Variants in STK39 observed in about 807,000 individuals in gnomAD.
STK39 encodes the protein serine/threonine kinase 39, also known as STE20/SPS1-related proline-alanine-rich protein kinase.
In STK39, 20 loss-of-function variants were observed where a neutral mutation model predicts 77.8. The ratio of observed to expected loss-of-function variants is 0.26; its 90% CI spans 0.18 to 0.37. The LOEUF (loss-of-function observed/expected upper bound fraction) is 0.37. Ranked by LOEUF, STK39 falls within the 10% of genes least tolerant of loss-of-function variation. The probability of loss-of-function intolerance (pLI) is 1.00; values close to 1 mark genes in which losing one functional copy is unlikely to be tolerated. For synonymous variants in STK39, 246 were observed against 234.1 expected (o/e 1.05, Z -0.47); for missense variants, 479 against 656.5 (o/e 0.73, Z 2.95).
chr2:168,019,974 G>A (rs1684530893), intron 14 of STK39, among the ~76,000 whole-genome samples: 1 of 152,062 alleles, frequency 6.6e-6, no homozygotes, highest in Non-Finnish European at 1.5e-5. Context: ...CAAAGTGTTG[G>A]GATTACAGGT....
rs980414959 is a variant in STK39, at chr2:168,075,195, T to C, written c.1126A>G (p.Lys376Glu). Residue 376 changes from lysine (K) to glutamate (E), a missense_variant, in exon 11 of 18, where the codon AAA (lysine) becomes GAA (glutamate). Transcript: ENST00000355999. ...RVPGSSGHLH[K>E]TEDGDWEWSD... Reference sequence around the variant, plus strand: ...CACTCCCAGTCCCCGTCTTCGGTTTTATGAAGGTGACCACTTGACCCAGGA... The same window carrying C: ...CACTCCCAGTCCCCGTCTTCGGTTTCATGAAGGTGACCACTTGACCCAGGA... 1 of 1,614,148 alleles carries C rather than the reference T, an allele frequency of 6.2e-7. No individual in the cohort carries two copies. Among genetic ancestry groups the C allele is most frequent in the Non-Finnish European group, 8.5e-7 (1 of 1,180,020 alleles).
chr2:168,241,879 G>A (rs1178530227), intron 1 of STK39, among the ~76,000 whole-genome samples: 5 of 152,186 alleles, frequency 3.3e-5, no homozygotes, highest in African/African-American at 9.7e-5. Context: ...TGAGGAAACT[G>A]AGTGCAGACA....
chr2:168,233,771 A>G (rs183403224), intron 1 of STK39, among the ~76,000 whole-genome samples: 172 of 152,326 alleles, frequency 1.1e-3, no homozygotes, highest in African/African-American at 3.7e-3. Context: ...TCTTCATAAC[A>G]TAAGACAAAC....
intron 5 of STK39, 51 bp downstream of exon 5, chr2:168,161,736 C>A (rs774970487): frequency 4.5e-6 from 6 of 1,321,926 alleles, no homozygotes; most frequent in Non-Finnish European, 5.4e-6. Context: ...TTCCTTGAAA[C>A]TGTAACACTT....
At chr2:168,193,303 C>G (rs978915959) in intron 1 of STK39, among the ~76,000 whole-genome samples, 10 of 152,158 alleles carry the variant, frequency 6.6e-5, no homozygotes, top group Non-Finnish European at 1.5e-4. Context: ...CTTTCTTCCC[C>G]CCCCTCTTCA....
At chr2:168,009,994 A>G (rs1201554046) in intron 16 of STK39, among the ~76,000 whole-genome samples, 1 of 152,236 alleles carries the variant, frequency 6.6e-6, no homozygotes, top group Non-Finnish European at 1.5e-5. Flanking sequence ...AAAGAAGTGC[A>G]TTAAACTTGA....
intron 14 of STK39, among the ~76,000 whole-genome samples, chr2:168,029,701 C>G (rs1207903932): frequency 6.6e-6 from 1 of 152,180 alleles, no homozygotes; most frequent in African/African-American, 2.4e-5. Flanking sequence ...TTCATGACTG[C>G]TTTCTCCGAC....
chr2:168,009,457 C>T (rs1412682069), intron 16 of STK39, among the ~76,000 whole-genome samples: 1 of 152,172 alleles, frequency 6.6e-6, no homozygotes, highest in East Asian at 1.9e-4. Context: ...TACCTGGATC[C>T]ACTTTTTAAG....
At chr2:168,124,828 A>T (rs1574484886) in intron 10 of STK39, among the ~76,000 whole-genome samples, 1 of 152,232 alleles carries the variant, frequency 6.6e-6, no homozygotes, top group African/African-American at 2.4e-5. Flanking sequence ...CCTGTAGAAG[A>T]TGCACACAGA....
At chr2:168,166,129 T>C (rs1688689278) in intron 3 of STK39, among the ~76,000 whole-genome samples, 1 of 152,220 alleles carries the variant, frequency 6.6e-6, no homozygotes. Flanking sequence ...CACCAACATT[T>C]ACTATGTGTG....
chr2:167,956,156 AG>A (rs1691756921), intron 17 of STK39, among the ~76,000 whole-genome samples: 1 of 152,244 alleles, frequency 6.6e-6, no homozygotes, highest in Non-Finnish European at 1.5e-5. Context: ...TTTCTATAAA[AG>A]AATTTTGTTT....
chr2:168,203,493 A>G (rs1360532096), intron 1 of STK39, among the ~76,000 whole-genome samples: 1 of 152,222 alleles, frequency 6.6e-6, no homozygotes, highest in Non-Finnish European at 1.5e-5. Context: ...CCTTGGTCAT[A>G]TAAAGTTGGG....
At chr2:167,996,599 TG>T (rs1424559722) in intron 16 of STK39, among the ~76,000 whole-genome samples, 1 of 152,108 alleles carries the variant, frequency 6.6e-6, no homozygotes, top group African/African-American at 2.4e-5. Context: ...GTCAAGTTCA[TG>T]GTGGTTGGCT....
At chr2:168,247,139 G>T in intron 1 of STK39, 89 bp downstream of exon 1, 1 of 919,862 alleles carries the variant, frequency 1.1e-6, no homozygotes, top group Non-Finnish European at 1.3e-6. Flanking sequence ...TCCAGGGCGT[G>T]CATGCAGGCT....
In STK39 at chr2:168,237,930, TAAAC is replaced by T. The variant is rs34994401; in HGVS notation, c.208+9294_208+9297del. On this transcript the variant is annotated intron_variant, in intron 1 of 17. Transcript: ENST00000355999. ...TTGCTTTCTTGAGTCACCCCATAATTAAACAAACAGAGATAGTGACATTGCCTGA... is the reference window on the plus strand; with the variant it reads ...TTGCTTTCTTGAGTCACCCCATAATTAAACAGAGATAGTGACATTGCCTGA... Among the ~76,000 whole-genome samples the T allele has an allele frequency of 2.9e-3, 438 of 152,084 alleles. 2 individuals are homozygous for T. Among genetic ancestry groups the T allele is most frequent in the Non-Finnish European group, 4.8e-3 (324 of 67,988 alleles).
At position 168,138,174 on chromosome 2, in the gene STK39, C is replaced by T; in HGVS notation, c.888G>A (p.Gly296=). Reference sequence around the variant, plus strand: ...TTTTCATCATTTCTTTATCCTCTACCCCTGTTTCCAAAGTGGGTGGATCAT... The same window carrying T: ...TTTTCATCATTTCTTTATCCTCTACTCCTGTTTCCAAAGTGGGTGGATCAT... The part of the protein sequence containing the change: ...LQNDPPTLET[G]VEDKEMMKKY... Residue 296 remains glycine (G), a synonymous_variant, in exon 8 of 18, where the codon GGG becomes GGA. Transcript: ENST00000355999. 1 of 1,613,696 alleles carries T rather than the reference C, an allele frequency of 6.2e-7. No individual in the cohort carries two copies. The highest frequency in any genetic ancestry group is 8.5e-7 in the Non-Finnish European group (1 of 1,179,792).
At chr2:168,113,506 T>C (rs1376478790) in intron 10 of STK39, among the ~76,000 whole-genome samples, 2 of 152,198 alleles carry the variant, frequency 1.3e-5, no homozygotes, top group Admixed American at 6.5e-5. Context: ...GAATTATAAA[T>C]GACAGTGAGG....
chr2:168,214,575 A>T (rs1689979110), intron 1 of STK39, among the ~76,000 whole-genome samples: 1 of 152,230 alleles, frequency 6.6e-6, no homozygotes, highest in Non-Finnish European at 1.5e-5. Flanking sequence ...CAACGTCGTG[A>T]ATGTACTAAA....
Position 168,247,505 on chromosome 2 carries a change from T to C in STK39, c.-70A>G. ...CCTTCCACTTGAAACTTCCTTTGCC[T>C]CGCCGCCGACACCTCTCGGCCGGCG... On this transcript the variant is annotated 5_prime_UTR_variant, in exon 1 of 18. Transcript: ENST00000355999. 1 of 1,143,100 alleles carries C rather than the reference T, an allele frequency of 8.7e-7. No homozygotes were observed. The highest frequency in any genetic ancestry group is 1.1e-6 in the Non-Finnish European group (1 of 916,536). 70.8% of individuals were successfully genotyped at this position (1,143,100 alleles called of 1,614,324 possible). A position where few individuals can be genotyped will look rare whatever the true frequency, so the allele number is the denominator to read the frequency against.
Sources: allele counts gnomAD v4.1 joint callset (sites outside exome capture counted in the v4.1 genomes callset), GRCh38; gene constraint gnomAD v4.1.1; transcripts MANE v1.5; gene names NCBI Gene and HGNC (gene_info 2026-07-23, HGNC 2026-07-21).